RASAL1: variants seen among roughly 807,000 people sequenced by gnomAD.
RASAL1 encodes the protein RAS protein activator like 1.
Under a neutral mutation model 96.6 loss-of-function variants are expected in RASAL1, and 72 were observed. The observed-to-expected ratio is 0.75, with a 90% CI of 0.62 to 0.91. The LOEUF is 0.91. RASAL1 is among the 40% of genes least tolerant of loss of function. The probability of loss-of-function intolerance (pLI) is 0.00; values close to 1 mark genes in which losing one functional copy is unlikely to be tolerated. For missense variants in RASAL1, 1,016 were observed against 1,072.5 expected (o/e 0.95, Z 0.74); for synonymous variants, 405 against 430.4 (o/e 0.94, Z 0.73).
chr12:113,121,373 C>A, intron 5 of RASAL1, 136 bp downstream of exon 5: 1 of 1,411,342 alleles, frequency 7.1e-7, no homozygotes. Flanking sequence ...ACTGTTTGTC[C>A]ACACAGGGAA....
rs759237334 is a variant in RASAL1 at position 113,126,677 on chromosome 12, GTC to G, written c.298+1133_298+1134del. Among the ~76,000 whole-genome samples the G allele has an allele frequency of 3.6e-3, 514 of 141,754 alleles. 3 individuals carry two copies. The highest frequency in any genetic ancestry group is 2.9e-3 in the African/African-American group (107 of 37,234). The allele number at this position is 141,754 out of a possible 152,430, so 93.0% of individuals were successfully genotyped here. On this transcript the variant is annotated intron_variant, in intron 4 of 20. Transcript: ENST00000548055. Reference sequence around the variant, plus strand: ...AGCCTGGGTGACAGAATGAGACACTGTCTCTCTCTCTCACACACACACACACA... The same window carrying G: ...AGCCTGGGTGACAGAATGAGACACTGTCTCTCTCTCACACACACACACACA...
chr12:113,119,482 C>T (rs771995998), intron 5 of RASAL1, 39 bp from the exon 6 acceptor site: 6 of 1,561,694 alleles, frequency 3.8e-6, no homozygotes, highest in Non-Finnish European at 5.2e-6. Context: ...AAACACGGCA[C>T]CCAAGTTGGG....
intron 13 of RASAL1, 46 bp from the exon 14 acceptor site, chr12:113,108,268 C>T: frequency 6.4e-7 from 1 of 1,568,380 alleles, no homozygotes; most frequent in East Asian, 2.4e-5. Flanking sequence ...AAACCCACTT[C>T]TCAGCTGCGT....
Position 113,104,057 on chromosome 12 carries a change from G to A in RASAL1, c.1993C>T (p.Leu665Phe). Residue 665 changes from leucine to phenylalanine, a missense_variant, in exon 18 of 21, where the codon CTC (leucine) becomes TTC (phenylalanine). Coordinates refer to ENST00000548055, the MANE Select transcript of RASAL1 (RefSeq NM_001301202.2). Reference protein sequence around the residue: ...CKNVNELNQWLSALRKASAPN... With the variant: ...CKNVNELNQWFSALRKASAPN... ...GCGCTGGCCTTGCGCAAGGCCGAGAGCCACTGGTTGAGCTCATTCACATTC... is the reference window on the plus strand; with the variant it reads ...GCGCTGGCCTTGCGCAAGGCCGAGAACCACTGGTTGAGCTCATTCACATTC... 1 of 1,440,116 alleles carries A rather than the reference G, an allele frequency of 6.9e-7. No homozygotes were observed. Among genetic ancestry groups the A allele is most frequent in the Non-Finnish European group, 9.3e-7 (1 of 1,074,036 alleles). 89.2% of individuals were successfully genotyped at this position (1,440,116 alleles called of 1,614,324 possible).
At chr12:113,117,272 GAA>G (rs751235740) in intron 7 of RASAL1, 111 bp from the exon 8 acceptor site, 48 of 732,658 alleles carry the variant, frequency 6.6e-5, no homozygotes, top group Non-Finnish European at 8.7e-5. Flanking sequence ...CAGAGGGGCA[GAA>G]TGGCCTGCCA....
chr12:113,114,809 C>A lies in RASAL1; in HGVS notation c.1172G>T (p.Gly391Val), dbSNP rs745371663. 3.1e-6 allele frequency: 5 copies of A among 1,613,872 alleles called. No homozygotes were observed. The South Asian group carries it at 5.5e-5, about 18-fold the overall frequency. ...CTCAGGCTTTGCTCACCGGGTGCGG[C>A]CCAGGTCCATCTTGCAGGGATCCAG... ...MELDPCKMDL[G>V]RTRRISFKGA... Residue 391 changes from glycine to valine, a missense_variant, in exon 12 of 21, where the codon GGC (glycine) becomes GTC (valine). Coordinates refer to ENST00000548055, the MANE Select transcript of RASAL1 (RefSeq NM_001301202.2).
chr12:113,112,293 G>GGAGCAGCTCAGCC lies in RASAL1; in HGVS notation c.1182-28_1182-16dup. On this transcript the variant is annotated splice_polypyrimidine_tract_variant and intron_variant, in intron 12 of 20. Transcript: ENST00000548055. ...AGGAGATCCTCCTGGAGGGGCCGGCGGAGCAGCTCAGCCTCGGGGCACAAC... is the reference window on the plus strand; with the variant it reads ...AGGAGATCCTCCTGGAGGGGCCGGCGGAGCAGCTCAGCCGAGCAGCTCAGCCTCGGGGCACAAC... 1.6e-6 allele frequency: 2 copies of GGAGCAGCTCAGCC among 1,253,442 alleles called. No individual in the cohort carries two copies. Among genetic ancestry groups the GGAGCAGCTCAGCC allele is most frequent in the Non-Finnish European group, 2.0e-6 (2 of 990,616 alleles). 77.6% of individuals were successfully genotyped at this position (1,253,442 alleles called of 1,614,324 possible). A position where few individuals can be genotyped will look rare whatever the true frequency, so the allele number is the denominator to read the frequency against.
chr12:113,106,606 C>G (rs1950655006), intron 15 of RASAL1, among the ~76,000 whole-genome samples: 1 of 152,200 alleles, frequency 6.6e-6, no homozygotes, highest in Non-Finnish European at 1.5e-5. Flanking sequence ...CCAGGATCCT[C>G]AAGGCTCTCT....
chr12:113,112,843 T>A (rs561445097), intron 12 of RASAL1, among the ~76,000 whole-genome samples: 2 of 152,102 alleles, frequency 1.3e-5, no homozygotes, highest in South Asian at 4.2e-4. Context: ...TCTCAGCTAC[T>A]TGGGATGCTG....
rs1195845225 is a variant in RASAL1 at position 113,129,291 on chromosome 12, T to C, written c.123-1113A>G. On this transcript the variant is annotated intron_variant, in intron 2 of 20. Transcript: ENST00000548055. The surrounding 1 kb of genome is among the most constrained non-coding windows in gnomAD (Gnocchi z 5.0). ...AGTCAGGCAAAGTGGGGAGAGACAA[T>C]GAGGACAAGGACAAGTATTCCAGAA... Among the ~76,000 whole-genome samples, 2 of 151,848 alleles carry C rather than the reference T, an allele frequency of 1.3e-5. No homozygotes were observed. Among genetic ancestry groups the C allele is most frequent in the East Asian group, 1.9e-4 (1 of 5,186 alleles).
chr12:113,101,909 G>A lies in RASAL1; in HGVS notation c.2205C>T (p.Leu735=), dbSNP rs1176576348. ...CCCACCTGAGCTGGTCCCGCCCCAG[G>A]AGCAGCTGCCGATACACTGTCTGGG... The part of the protein sequence containing the change: ...AEAQTVYRQL[L]LGRDQLRLKL... The change falls in exon 19 of 21, where the codon CTC becomes CTT. Residue 735 remains leucine, a synonymous_variant. Transcript: ENST00000548055. 2.5e-6 allele frequency: 4 copies of A among 1,613,896 alleles called. No homozygotes were observed. The highest frequency in any genetic ancestry group is 2.2e-5 in the South Asian group (2 of 91,064).
chr12:113,104,370 TG>T lies in RASAL1; in HGVS notation c.1831-73del, dbSNP rs1592886137. 1.9e-5 allele frequency: 28 copies of T among 1,437,634 alleles called. No individual in the cohort carries two copies. In the East Asian group the frequency reaches 7.0e-4, roughly 36 times the overall value. 89.1% of individuals were successfully genotyped at this position (1,437,634 alleles called of 1,614,324 possible). ...GGGGTGGGGACACCTTCCGTCTGGT[TG>T]TGTGCAGCAGGTGGAGTCAGTTCCC... On this transcript the variant is annotated intron_variant, in intron 16 of 20. Coordinates refer to ENST00000548055, the MANE Select transcript of RASAL1 (RefSeq NM_001301202.2).
chr12:113,134,804 A>G (rs1048830204), intron 1 of RASAL1, among the ~76,000 whole-genome samples: 2 of 152,084 alleles, frequency 1.3e-5, no homozygotes, highest in African/African-American at 4.8e-5. Context: ...TTGGCTCTTC[A>G]AGCAGCTCAG....
chr12:113,133,366 T>A (rs1357526612), intron 1 of RASAL1, among the ~76,000 whole-genome samples: 42 of 152,164 alleles, frequency 2.8e-4, no homozygotes. Context: ...CATGGAGTAG[T>A]CAGAGTTCAA....
chr12:113,110,742 G>A (rs1283595741), intron 13 of RASAL1, among the ~76,000 whole-genome samples: 2 of 152,044 alleles, frequency 1.3e-5, no homozygotes, highest in East Asian at 3.9e-4. Flanking sequence ...AACACAGTGA[G>A]ACCCTGTCTC....
At position 113,129,280 on chromosome 12, in the gene RASAL1, G is replaced by A. The variant is rs139458626; in HGVS notation, c.123-1102C>T. Among the ~76,000 whole-genome samples the A allele has an allele frequency of 8.3e-4, 126 of 152,296 alleles. No individual in the cohort carries two copies. Among genetic ancestry groups the A allele is most frequent in the African/African-American group, 2.9e-3 (121 of 41,534 alleles). On this transcript the variant is annotated intron_variant, in intron 2 of 20. Transcript: ENST00000548055. This position sits in a 1 kb window ranked among gnomAD's most constrained non-coding sequence, Gnocchi z 5.0. The stretch of plus-strand genomic sequence containing the variant: ...CTGTAGGAGCTAGTCAGGCAAAGTG[G>A]GGAGAGACAATGAGGACAAGGACAA...
At chr12:113,114,594 T>TG (rs1950999777) in intron 12 of RASAL1, among the ~76,000 whole-genome samples, 1 of 152,190 alleles carries the variant, frequency 6.6e-6, no homozygotes, top group South Asian at 2.1e-4. Flanking sequence ...CCAGGGCGCT[T>TG]AGCATCAGAG....
rs112371393 is a variant in RASAL1, at chr12:113,135,173, C to T, written c.65+225G>A. Among the ~76,000 whole-genome samples, 1,840 of 152,240 alleles carry T rather than the reference C, an allele frequency of 0.012. 26 individuals carry two copies. The highest frequency in any genetic ancestry group is 0.042 in the African/African-American group (1,747 of 41,548). On this transcript the variant is annotated intron_variant, in intron 1 of 20. Coordinates refer to ENST00000548055, the MANE Select transcript of RASAL1 (RefSeq NM_001301202.2). The surrounding 1 kb of genome is among the most constrained non-coding windows in gnomAD (Gnocchi z 5.7). Reference sequence around the variant, plus strand: ...GAACAAAGACACCCCCTCCCCTGCCCGGGGGTGAGGCGGGGCATCTGCTAA... The same window carrying T: ...GAACAAAGACACCCCCTCCCCTGCCTGGGGGTGAGGCGGGGCATCTGCTAA...
chr12:113,127,936 G>A (rs1425084345), intron 3 of RASAL1, 63 bp from the exon 4 acceptor site: 2 of 1,577,868 alleles, frequency 1.3e-6, no homozygotes, highest in African/African-American at 1.3e-5. Context: ...CCCAAGAGAA[G>A]TGGGGGCAGG....
Sources: gnomAD v4.1 joint callset for allele counts (sites outside exome capture counted in the v4.1 genomes callset) on GRCh38, gnomAD v4.1.1 for gene constraint, Gnocchi (gnomAD v3.1) non-coding constraint, MANE v1.5 for transcripts, NCBI Gene and HGNC (gene_info 2026-07-23, HGNC 2026-07-21) for gene names.